SYT6: variants seen among roughly 807,000 people sequenced by gnomAD.
SYT6 encodes the protein synaptotagmin 6.
A neutral mutation model predicts 38.4 loss-of-function variants in SYT6; 24 were observed. The ratio of observed to expected loss-of-function variants is 0.62; its 90% CI spans 0.45 to 0.88. The LOEUF is 0.88. SYT6 is among the 40% of genes least tolerant of loss of function. The pLI is 0.00. For missense variants in SYT6, 611 were observed against 621.0 expected, an observed-to-expected ratio of 0.98 and a Z score of 0.17; for synonymous variants, 265 against 241.9, an observed-to-expected ratio of 1.10 and a Z score of -0.89.
At chr1:114,111,810 G>C (rs1470783478) in intron 3 of SYT6, among the ~76,000 whole-genome samples, 1 of 152,352 alleles carries the variant, frequency 6.6e-6, no homozygotes, top group East Asian at 1.9e-4. Flanking sequence ...CCCGCCCCAC[G>C]TTCCCACAGC....
intron 1 of SYT6, among the ~76,000 whole-genome samples, chr1:114,143,487 T>C (rs145121190): frequency 1.3e-3 from 188 of 148,750 alleles, no homozygotes; most frequent in African/African-American, 4.4e-3. Flanking sequence ...TACATACATA[T>C]GTATATATGT....
chr1:114,098,497 G>A (rs71662855), intron 5 of SYT6, among the ~76,000 whole-genome samples: 108 of 152,274 alleles, frequency 7.1e-4, no homozygotes, highest in Non-Finnish European at 1.2e-3. Flanking sequence ...GAGTGGAAGA[G>A]ACGAAAAATA....
At chr1:114,128,419 C>G (rs1460655629) in intron 3 of SYT6, among the ~76,000 whole-genome samples, 3 of 152,240 alleles carry the variant, frequency 2.0e-5, no homozygotes, top group East Asian at 1.9e-4. Flanking sequence ...CCAGCCCCAA[C>G]TTTTCCCTAA....
At chr1:114,109,231 G>A (rs1676523807) in intron 3 of SYT6, among the ~76,000 whole-genome samples, 1 of 152,136 alleles carries the variant, frequency 6.6e-6, no homozygotes, top group Non-Finnish European at 1.5e-5. Context: ...ATGTTGATCT[G>A]GGGACTACAT....
chr1:114,142,474 A>T (rs1251858527), intron 1 of SYT6, among the ~76,000 whole-genome samples: 1 of 152,220 alleles, frequency 6.6e-6, no homozygotes, highest in African/African-American at 2.4e-5. Context: ...GATAAAATAT[A>T]CTCCAGGTAA....
At chr1:114,136,291 A>T (rs947683486) in intron 3 of SYT6, among the ~76,000 whole-genome samples, 8 of 152,160 alleles carry the variant, frequency 5.3e-5, no homozygotes, top group African/African-American at 1.9e-4. Flanking sequence ...TTGAGTATTG[A>T]CTATCCAAGC....
chr1:114,102,322 C>T lies in SYT6; in HGVS notation c.1192+1279G>A, dbSNP rs556034195. 1.1e-3 allele frequency among the ~76,000 whole-genome samples: 164 copies of T among 152,326 alleles called. 3 individuals are homozygous for T. Among genetic ancestry groups the T allele is most frequent in the African/African-American group, 3.9e-3 (161 of 41,570 alleles). Reference sequence around the variant, plus strand: ...AAGAGGTCCGTTAATCTCTTCCCCACATCCTGATGTGTGTGGGTAGCTCTG... The same window carrying T: ...AAGAGGTCCGTTAATCTCTTCCCCATATCCTGATGTGTGTGGGTAGCTCTG... On this transcript the variant is annotated intron_variant, in intron 4 of 7. Coordinates refer to ENST00000610222, the MANE Select transcript of SYT6 (RefSeq NM_001253772.2).
At chr1:114,093,352 G>A (rs553142405) in intron 7 of SYT6, among the ~76,000 whole-genome samples, 1 of 152,262 alleles carries the variant, frequency 6.6e-6, no homozygotes, top group African/African-American at 2.4e-5. Flanking sequence ...TCTGGGCTCG[G>A]TTCTTCATGG....
At chr1:114,129,978 C>T (rs1242898275) in intron 3 of SYT6, among the ~76,000 whole-genome samples, 1 of 152,108 alleles carries the variant, frequency 6.6e-6, no homozygotes. Flanking sequence ...AGCCACTGTG[C>T]CTGGCCTCTT....
At chr1:114,153,016 CCT>C (rs1351970319) in intron 1 of SYT6, 1 of 151,530 alleles carries the variant, frequency 6.6e-6, no homozygotes, top group Non-Finnish European at 1.5e-5. Flanking sequence ...CACCCCGCCC[CCT>C]GTCCCCCGCC....
At chr1:114,103,779 C>T in intron 3 of SYT6, 58 bp from the exon 4 acceptor site, 1 of 1,581,772 alleles carries the variant, frequency 6.3e-7, no homozygotes, top group Non-Finnish European at 8.6e-7. Context: ...GGCCTCATGT[C>T]CAGTGCAGTA....
intron 3 of SYT6, among the ~76,000 whole-genome samples, chr1:114,120,265 G>A (rs2101036862): frequency 6.6e-6 from 1 of 152,298 alleles, no homozygotes; most frequent in East Asian, 1.9e-4. Context: ...GCCCTCGGTA[G>A]AAAATTTCCT....
intron 1 of SYT6, among the ~76,000 whole-genome samples, chr1:114,147,969 C>A (rs1679239920): frequency 6.6e-6 from 1 of 152,170 alleles, no homozygotes; most frequent in South Asian, 2.1e-4. Context: ...GGAAGGGAGA[C>A]TCCAGATCAG....
chr1:114,143,558 A>G (rs2629826), intron 1 of SYT6, among the ~76,000 whole-genome samples: 111,355 of 148,628 alleles, frequency 0.75, 42,504 homozygotes, highest in African/African-American at 0.9. Context: ...ACTTATGTGC[A>G]TGTGTGTGTG....
chr1:114,129,238 T>C (rs537575826), intron 3 of SYT6, among the ~76,000 whole-genome samples: 3 of 152,366 alleles, frequency 2.0e-5, no homozygotes, highest in Admixed American at 1.3e-4. Flanking sequence ...AGCCACATCT[T>C]ACATATCTAC....
chr1:114,140,389 G>A (rs1412313861), intron 1 of SYT6, among the ~76,000 whole-genome samples: 1 of 152,114 alleles, frequency 6.6e-6, no homozygotes, highest in African/African-American at 2.4e-5. Flanking sequence ...TGCTACTATG[G>A]CCAGACTTAG....
Position 114,091,294 on chromosome 1 carries a change from C to T in SYT6, c.*840G>A, listed in dbSNP as rs1176330769. The stretch of plus-strand genomic sequence containing the variant: ...TCATTAACTGTGGCGCATCAGAAAA[C>T]ATATGGCGTGTTTAGTTTCGGCTGA... On this transcript the variant is annotated 3_prime_UTR_variant, in exon 8 of 8. Transcript: ENST00000610222. 1 of 152,726 alleles carries T rather than the reference C, an allele frequency of 6.5e-6. No individual in the cohort carries two copies. The highest frequency in any genetic ancestry group is 1.5e-5 in the Non-Finnish European group (1 of 68,044). 9.5% of individuals were successfully genotyped at this position (152,726 alleles called of 1,614,324 possible). A position where few individuals can be genotyped will look rare whatever the true frequency, so the allele number is the denominator to read the frequency against.
intron 1 of SYT6, among the ~76,000 whole-genome samples, chr1:114,143,851 C>A (rs1679009235): frequency 6.8e-6 from 1 of 146,456 alleles, no homozygotes; most frequent in African/African-American, 2.5e-5. Context: ...GCCCATTATC[C>A]CAAGAAAGGG....
At chr1:114,131,771 C>A (rs188154715) in intron 3 of SYT6, among the ~76,000 whole-genome samples, 61 of 152,310 alleles carry the variant, frequency 4.0e-4, no homozygotes, top group South Asian at 8.3e-4. Flanking sequence ...GAAACAATGT[C>A]AAACCCACTG....
Sources: gnomAD v4.1 joint callset for allele counts (sites outside exome capture counted in the v4.1 genomes callset) on GRCh38, gnomAD v4.1.1 for gene constraint, MANE v1.5 for transcripts, NCBI Gene and HGNC (gene_info 2026-07-23, HGNC 2026-07-21) for gene names.